Variants in ANO1 observed in about 807,000 individuals in gnomAD.
The protein encoded by ANO1 is anoctamin 1.
In ANO1, 59 loss-of-function variants were observed where a neutral mutation model predicts 124.0. The observed-to-expected ratio is 0.48, with a 90% CI of 0.39 to 0.59. The LOEUF is 0.59. Ranked by LOEUF, ANO1 falls within the 20% of genes least tolerant of loss-of-function variation. ANO1 has a pLI of 0.00. For missense variants in ANO1, 1,059 were observed against 1,328.0 expected (o/e 0.80, Z 3.15); for synonymous variants, 529 against 532.0 (o/e 0.99, Z 0.08).
At chr11:69,968,522 T>C in the ANO1 span, among the ~76,000 whole-genome samples, 268 of 152,324 alleles carry the variant, frequency 1.8e-3, no homozygotes, top group African/African-American at 6.2e-3. Flanking sequence ...AGCAATAAAA[T>C]GTTTACCAAG....
chr11:70,031,246 C>A (rs575678563), intron 1 of ANO1, among the ~76,000 whole-genome samples: 1 of 152,292 alleles, frequency 6.6e-6, no homozygotes, highest in East Asian at 1.9e-4. Context: ...ATCCAGGCCT[C>A]AATGTGATGT....
At position 70,182,580 on chromosome 11, in the gene ANO1, C is replaced by T; in HGVS notation, c.2482C>T (p.His828Tyr). Residue 828 changes from histidine (H) to tyrosine (Y), a missense_variant, in exon 24 of 26, where the codon CAC becomes TAC. By Grantham distance (83) the His-to-Tyr change is moderately conservative. Coordinates refer to ENST00000355303, the MANE Select transcript of ANO1 (RefSeq NM_018043.7). ...LYMYSKNGTMHGFVNHTLSSF... is the reference protein window; with the variant it reads ...LYMYSKNGTMYGFVNHTLSSF... ...CATGTACAGTAAGAACGGGACCATG[C>T]ACGGCTTCGTCAACCACACCCTCTC... 6.2e-7 allele frequency: 1 copy of T among 1,613,672 alleles called. No individual in the cohort carries two copies. The highest frequency in any genetic ancestry group is 8.5e-7 in the Non-Finnish European group (1 of 1,179,754).
chr11:70,093,139 T>C (rs924983281), intron 2 of ANO1, among the ~76,000 whole-genome samples: 1 of 151,044 alleles, frequency 6.6e-6, no homozygotes, highest in African/African-American at 2.4e-5. Context: ...CCTCTCTCTG[T>C]CTCTCTCTCC....
At chr11:70,138,953 C>T (rs1158182404) in intron 11 of ANO1, among the ~76,000 whole-genome samples, 4 of 151,856 alleles carry the variant, frequency 2.6e-5, no homozygotes, top group Non-Finnish European at 4.4e-5. Context: ...CTCGAGTAGG[C>T]CTCGGTGTCT....
chr11:70,094,731 C>A (rs186882142), intron 2 of ANO1, among the ~76,000 whole-genome samples: 2 of 152,182 alleles, frequency 1.3e-5, no homozygotes, highest in Non-Finnish European at 2.9e-5. Flanking sequence ...ATGTTAGGAA[C>A]CTCTAGTCTA....
At chr11:70,002,696 C>A (rs4980721) in intron 1 of ANO1, among the ~76,000 whole-genome samples, 3 of 151,792 alleles carry the variant, frequency 2.0e-5, no homozygotes, top group African/African-American at 4.8e-5. Context: ...TGCATGACTG[C>A]ATTTTCTAAT....
intron 12 of ANO1, among the ~76,000 whole-genome samples, chr11:70,150,280 T>C (rs1400459752): frequency 6.6e-6 from 1 of 152,182 alleles, no homozygotes; most frequent in Non-Finnish European, 1.5e-5. Context: ...ACGGATCCTT[T>C]ACTAACATAG....
In ANO1 at chr11:70,189,222, A is replaced by C. The variant is rs2049268572; in HGVS notation, c.*1218A>C. The C allele has an allele frequency of 6.6e-6, 1 of 152,648 alleles. No homozygotes were observed. The highest frequency in any genetic ancestry group is 6.5e-5 in the Admixed American group (1 of 15,284). 9.5% of individuals were successfully genotyped at this position (152,648 alleles called of 1,614,324 possible). A position where few individuals can be genotyped will look rare whatever the true frequency, so the allele number is the denominator to read the frequency against. ...TCATTTTAGCAAAGGCCAGGAGGAA[A>C]AATAGAAATAAATTTGTCTTGAAGA... On this transcript the variant is annotated 3_prime_UTR_variant, in exon 26 of 26. Coordinates refer to ENST00000355303, the MANE Select transcript of ANO1 (RefSeq NM_018043.7).
At chr11:70,177,080 C>T (rs1162888167) in intron 22 of ANO1, among the ~76,000 whole-genome samples, 1 of 152,244 alleles carries the variant, frequency 6.6e-6, no homozygotes, top group Non-Finnish European at 1.5e-5. Flanking sequence ...TCATCCCCGC[C>T]TCATCCCTCC....
intron 1 of ANO1, among the ~76,000 whole-genome samples, chr11:70,045,587 G>A (rs117376046): frequency 0.011 from 1,629 of 152,236 alleles, 13 homozygotes; most frequent in Non-Finnish European, 0.014. Context: ...TCTGTTCATC[G>A]ATGGAGGGTC....
chr11:70,103,897 G>A (rs550590746), intron 3 of ANO1, 102 bp from the exon 4 acceptor site: 27 of 1,327,850 alleles, frequency 2.0e-5, no homozygotes, highest in African/African-American at 8.8e-5. Context: ...AGGACGCCCC[G>A]TTGCATGGGG....
intron 19 of ANO1, among the ~76,000 whole-genome samples, chr11:70,165,118 G>A (rs544479083): frequency 6.6e-6 from 1 of 152,224 alleles, no homozygotes; most frequent in East Asian, 1.9e-4. Context: ...CCCAGCTTCT[G>A]GGGACTACGG....
upstream of ANO1, among the ~76,000 whole-genome samples, chr11:69,981,591 G>A (rs1056534742): frequency 6.6e-6 from 1 of 152,194 alleles, no homozygotes; most frequent in Non-Finnish European, 1.5e-5. Context: ...CAGCAACAGC[G>A]CTTTGCTGCT....
intron 1 of ANO1, among the ~76,000 whole-genome samples, chr11:69,996,914 T>C (rs183680686): frequency 1.2e-3 from 181 of 152,286 alleles, no homozygotes; most frequent in African/African-American, 4.2e-3. Context: ...GGGAAGCTTG[T>C]ACGGAAAATG....
chr11:70,005,642 C>T (rs1856470664), intron 1 of ANO1, among the ~76,000 whole-genome samples: 1 of 152,102 alleles, frequency 6.6e-6, no homozygotes, highest in African/African-American at 2.4e-5. Context: ...TCTTTCTCCC[C>T]CTCATTTTAT....
chr11:70,084,783 G>T (rs1192794553), intron 1 of ANO1, among the ~76,000 whole-genome samples: 1 of 152,126 alleles, frequency 6.6e-6, no homozygotes, highest in African/African-American at 2.4e-5. Flanking sequence ...CCCCAGGCTG[G>T]GACAGAACTG....
intron 22 of ANO1, among the ~76,000 whole-genome samples, chr11:70,176,695 C>T (rs1316621722): frequency 1.3e-5 from 2 of 152,148 alleles, no homozygotes; most frequent in Non-Finnish European, 1.5e-5. Flanking sequence ...ACCCTCCTCC[C>T]GCCCCCTGCT....
intron 1 of ANO1, among the ~76,000 whole-genome samples, chr11:70,049,345 C>T (rs1857312917): frequency 6.6e-6 from 1 of 152,228 alleles, no homozygotes; most frequent in South Asian, 2.1e-4. Context: ...GCCAGGTGAC[C>T]TTGGACAAGT....
chr11:70,043,464 C>T (rs923966809), intron 1 of ANO1, among the ~76,000 whole-genome samples: 25 of 151,812 alleles, frequency 1.6e-4, no homozygotes, highest in Admixed American at 5.9e-4. Context: ...AAGTATAAGC[C>T]CACAAATCTA....
Sources: allele counts gnomAD v4.1 joint callset (sites outside exome capture counted in the v4.1 genomes callset), GRCh38; gene constraint gnomAD v4.1.1; transcripts MANE v1.5; gene names NCBI Gene and HGNC (gene_info 2026-07-23, HGNC 2026-07-21).